Variants in ADAMTS3 observed in about 807,000 individuals in gnomAD.
ADAMTS3 encodes A disintegrin and metalloproteinase with thrombospondin motifs 3.
Under a neutral mutation model 129.0 loss-of-function variants are expected in ADAMTS3, and 73 were observed. The observed-to-expected ratio is 0.57, with a 90% CI of 0.47 to 0.69. The LOEUF (loss-of-function observed/expected upper bound fraction) is 0.69. ADAMTS3 is among the 30% of genes least tolerant of loss of function. The pLI, the probability that ADAMTS3 is intolerant of heterozygous loss-of-function variation, is 0.00. For synonymous variants in ADAMTS3, 477 were observed against 510.8 expected, an observed-to-expected ratio of 0.93 and a Z score of 0.89; for missense variants, 1,457 against 1,514.5, an observed-to-expected ratio of 0.96 and a Z score of 0.63.
At chr4:72,400,296 C>T (rs748970178) in intron 4 of ADAMTS3, among the ~76,000 whole-genome samples, 5 of 138,992 alleles carry the variant, frequency 3.6e-5, no homozygotes, top group African/African-American at 1.1e-4. Flanking sequence ...TGTGTATATA[C>T]GTGTGTATAT....
intron 4 of ADAMTS3, among the ~76,000 whole-genome samples, chr4:72,342,130 A>T (rs1720153245): frequency 6.6e-6 from 1 of 152,170 alleles, no homozygotes; most frequent in African/African-American, 2.4e-5. Flanking sequence ...GTTCTTGGTT[A>T]TTTCTGGGCA....
chr4:72,473,234 T>C (rs1383222691), intron 3 of ADAMTS3, among the ~76,000 whole-genome samples: 1 of 151,962 alleles, frequency 6.6e-6, no homozygotes, highest in African/African-American at 2.4e-5. Flanking sequence ...CTCTGGACCT[T>C]ATATATATAA....
intron 3 of ADAMTS3, among the ~76,000 whole-genome samples, chr4:72,470,361 T>TTATATATATATATA (rs143241307): frequency 0.03 from 3,466 of 116,036 alleles, 52 homozygotes; most frequent in Non-Finnish European, 0.045. Flanking sequence ...TATTTTAAGT[T>TTATATATATATATA]TATATATATA....
At chr4:72,496,613 C>A (rs1408144454) in intron 3 of ADAMTS3, among the ~76,000 whole-genome samples, 1 of 152,042 alleles carries the variant, frequency 6.6e-6, no homozygotes, top group South Asian at 2.1e-4. Flanking sequence ...CCACCAGGAC[C>A]AATACAGCTT....
At chr4:72,380,568 G>C (rs1226859876) in intron 4 of ADAMTS3, among the ~76,000 whole-genome samples, 3 of 152,068 alleles carry the variant, frequency 2.0e-5, no homozygotes, top group African/African-American at 7.2e-5. Flanking sequence ...ATTTGATAAA[G>C]GTACTTTTCC....
intron 3 of ADAMTS3, among the ~76,000 whole-genome samples, chr4:72,422,357 A>T (rs1463981404): frequency 6.6e-6 from 1 of 152,158 alleles, no homozygotes; most frequent in Non-Finnish European, 1.5e-5. Context: ...GCATTGATAT[A>T]TGCAGAGATT....
intron 10 of ADAMTS3, among the ~76,000 whole-genome samples, chr4:72,317,589 G>A (rs1050094061): frequency 5.3e-5 from 8 of 151,034 alleles, no homozygotes; most frequent in African/African-American, 9.8e-5. Flanking sequence ...ACATATATAC[G>A]TGCCTTTCTT....
intron 3 of ADAMTS3, among the ~76,000 whole-genome samples, chr4:72,439,589 G>T (rs1718057976): frequency 1.3e-5 from 2 of 151,336 alleles, no homozygotes; most frequent in Non-Finnish European, 3.0e-5. Flanking sequence ...AAACATGAAT[G>T]AAAAAAATCA....
intron 5 of ADAMTS3, among the ~76,000 whole-genome samples, chr4:72,334,243 C>T (rs1719928134): frequency 1.3e-5 from 2 of 152,036 alleles, no homozygotes; most frequent in East Asian, 1.9e-4. Context: ...CTTATGTAAC[C>T]TATGATGTAA....
At chr4:72,461,954 G>A (rs756802825) in intron 3 of ADAMTS3, among the ~76,000 whole-genome samples, 111 of 151,840 alleles carry the variant, frequency 7.3e-4, no homozygotes, top group Non-Finnish European at 1.3e-3. Context: ...TTCATTACTA[G>A]TTCAGTCATT....
At chr4:72,387,031 T>G (rs893846795) in intron 4 of ADAMTS3, among the ~76,000 whole-genome samples, 1 of 152,234 alleles carries the variant, frequency 6.6e-6, no homozygotes, top group Non-Finnish European at 1.5e-5. Flanking sequence ...AACCTATTCT[T>G]CATCTGTTGG....
chr4:72,387,811 GCTCAGA>G (rs1721485903), intron 4 of ADAMTS3, among the ~76,000 whole-genome samples: 1 of 152,064 alleles, frequency 6.6e-6, no homozygotes, highest in African/African-American at 2.4e-5. Flanking sequence ...TGATTAAAAT[GCTCAGA>G]CTCAAAGAAT....
rs148452880 is a variant in ADAMTS3, at chr4:72,313,629, A to G, written c.1745+48T>C. The G allele has an allele frequency of 4.0e-4, 641 of 1,590,736 alleles. 4 individuals carry two copies. In the African/African-American group the frequency reaches 7.8e-3, roughly 19 times the overall value. ...AATACTAATAACATAATATTGAAGT[A>G]TTTTCTGGTCTCTCCAAAAATAACA... On this transcript the variant is annotated intron_variant, in intron 12 of 21. Transcript: ENST00000286657.
At chr4:72,363,919 C>T (rs72863703) in intron 4 of ADAMTS3, among the ~76,000 whole-genome samples, 9,925 of 151,626 alleles carry the variant, frequency 0.065, 1,085 homozygotes, top group African/African-American at 0.23. Context: ...ATGGTGATGG[C>T]GACGATAATG....
intron 4 of ADAMTS3, among the ~76,000 whole-genome samples, chr4:72,343,655 G>C (rs527840602): frequency 6.6e-6 from 1 of 152,248 alleles, no homozygotes; most frequent in Admixed American, 6.5e-5. Flanking sequence ...GCTGAGTTGG[G>C]CAGCAGAGAG....
At position 72,283,687 on chromosome 4, in the gene ADAMTS3, C is replaced by G. The variant is rs774482909; in HGVS notation, c.3067G>C (p.Asp1023His). 2.5e-6 allele frequency: 4 copies of G among 1,585,586 alleles called. No individual in the cohort carries two copies. Among genetic ancestry groups the G allele is most frequent in the Non-Finnish European group, 2.6e-6 (3 of 1,161,402 alleles). The change falls in exon 22 of 22, where the codon GAC becomes CAC. Residue 1023 changes from aspartate to histidine, a missense_variant. Physicochemically the swap from Asp to His is moderately conservative, Grantham distance 81. Coordinates refer to ENST00000286657, the MANE Select transcript of ADAMTS3 (RefSeq NM_014243.3). ...PPCNDEPCLG[D>H]KSIFCQMEVL... ...TCCATTTGACAGAATATGGACTTGT[C>G]TCCCAAACATGGTTCATCTGCAAAA...
intron 3 of ADAMTS3, among the ~76,000 whole-genome samples, chr4:72,488,201 T>G (rs1445083494): frequency 6.6e-6 from 1 of 151,990 alleles, no homozygotes; most frequent in South Asian, 2.1e-4. Flanking sequence ...AATAGTGTTG[T>G]GTATTCAATA....
At chr4:72,337,694 A>T (rs1720026025) in intron 5 of ADAMTS3, among the ~76,000 whole-genome samples, 1 of 152,156 alleles carries the variant, frequency 6.6e-6, no homozygotes, top group Non-Finnish European at 1.5e-5. Context: ...TCATGATTGG[A>T]TAACTATGGT....
At chr4:72,492,630 C>T (rs1012419883) in intron 3 of ADAMTS3, among the ~76,000 whole-genome samples, 3 of 151,564 alleles carry the variant, frequency 2.0e-5, no homozygotes, top group African/African-American at 7.3e-5. Context: ...TGTTTTGTGA[C>T]CTAATATGTG....
Sources: allele counts gnomAD v4.1 joint callset (sites outside exome capture counted in the v4.1 genomes callset), GRCh38; gene constraint gnomAD v4.1.1; transcripts MANE v1.5; gene names NCBI Gene and HGNC (gene_info 2026-07-23, HGNC 2026-07-21).